DPP6: variants seen among roughly 807,000 people sequenced by gnomAD.
DPP6 encodes the protein A-type potassium channel modulatory protein DPP6.
In DPP6, 69 loss-of-function variants were observed where a neutral mutation model predicts 122.6. The observed-to-expected ratio is 0.56, with a 90% CI of 0.46 to 0.69. The LOEUF is 0.69. Among genes scored for constraint, DPP6 ranks in the 30% least tolerant of loss-of-function variants. The probability of loss-of-function intolerance (pLI) is 0.00; values close to 1 mark genes in which losing one functional copy is unlikely to be tolerated. For missense variants in DPP6, 928 were observed against 1,116.9 expected (o/e 0.83, Z 2.41); for synonymous variants, 418 against 433.1 (o/e 0.97, Z 0.43).
chr7:153,869,816 T>C, the DPP6 span, among the ~76,000 whole-genome samples: 1 of 152,184 alleles, frequency 6.6e-6, no homozygotes, highest in Non-Finnish European at 1.5e-5. Flanking sequence ...TTTTAGTGCT[T>C]CCTTCAGGAG....
chr7:154,286,302 C>A (rs958310055), intron 1 of DPP6, among the ~76,000 whole-genome samples: 2 of 151,314 alleles, frequency 1.3e-5, no homozygotes, highest in Non-Finnish European at 2.9e-5. Context: ...GGTGTAGCCA[C>A]GAGCAAGATC....
chr7:154,005,837 A>G (rs1473654946), intron 1 of DPP6, among the ~76,000 whole-genome samples: 1 of 152,014 alleles, frequency 6.6e-6, no homozygotes, highest in East Asian at 1.9e-4. Flanking sequence ...ATGAGCTTCT[A>G]AGCTTTGCAT....
At chr7:154,206,957 G>A (rs1455419396) in intron 1 of DPP6, among the ~76,000 whole-genome samples, 1 of 152,230 alleles carries the variant, frequency 6.6e-6, no homozygotes, top group Non-Finnish European at 1.5e-5. Flanking sequence ...GGTATGCAAG[G>A]AAGGGCTGAG....
At chr7:154,583,383 C>T (rs928234892) in intron 5 of DPP6, among the ~76,000 whole-genome samples, 1 of 152,242 alleles carries the variant, frequency 6.6e-6, no homozygotes, top group African/African-American at 2.4e-5. Context: ...ACCCCTCCCT[C>T]TTCCTCAGTC....
chr7:154,674,197 T>C (rs1418408765), intron 7 of DPP6, among the ~76,000 whole-genome samples: 1 of 152,178 alleles, frequency 6.6e-6, no homozygotes, highest in Non-Finnish European at 1.5e-5. Context: ...TTTTCTTTGA[T>C]CTTTTCATGA....
intron 1 of DPP6, among the ~76,000 whole-genome samples, chr7:154,408,664 T>G (rs1043611801): frequency 2.6e-5 from 4 of 152,196 alleles, no homozygotes; most frequent in Admixed American, 2.6e-4. Flanking sequence ...TTCCCATGAA[T>G]ATTTTCTCTC....
chr7:153,809,599 C>T, the DPP6 span, among the ~76,000 whole-genome samples: 1 of 152,148 alleles, frequency 6.6e-6, no homozygotes, highest in Non-Finnish European at 1.5e-5. Flanking sequence ...GCAGCCCTTT[C>T]CTTGGTGCAG....
At chr7:154,326,073 G>T (rs1373563765) in intron 1 of DPP6, among the ~76,000 whole-genome samples, 1 of 152,130 alleles carries the variant, frequency 6.6e-6, no homozygotes, top group Non-Finnish European at 1.5e-5. Flanking sequence ...TTACCTCCTT[G>T]CCTTTAGGAA....
the DPP6 span, among the ~76,000 whole-genome samples, chr7:153,873,385 T>C: frequency 2.0e-5 from 3 of 152,154 alleles, no homozygotes; most frequent in African/African-American, 7.2e-5. Context: ...AAACAATATA[T>C]TTAAACTATA....
At chr7:154,096,704 A>G (rs2150561312) in intron 1 of DPP6, among the ~76,000 whole-genome samples, 1 of 152,302 alleles carries the variant, frequency 6.6e-6, no homozygotes, top group South Asian at 2.1e-4. Flanking sequence ...ATAGAGACCA[A>G]ATCTTATAAA....
intron 8 of DPP6, among the ~76,000 whole-genome samples, chr7:154,747,643 C>A (rs1009676072): frequency 6.6e-6 from 1 of 152,064 alleles, no homozygotes; most frequent in Non-Finnish European, 1.5e-5. Context: ...TTAGAAAACA[C>A]CCATATGTTA....
chr7:154,625,716 G>T (rs961918082), intron 5 of DPP6, among the ~76,000 whole-genome samples: 1 of 152,196 alleles, frequency 6.6e-6, no homozygotes, highest in African/African-American at 2.4e-5. Context: ...TGCGGGCAGG[G>T]TGTGTGCAAG....
Position 154,760,894 on chromosome 7 carries a change from G to C in DPP6, c.884-8523G>C, listed in dbSNP as rs137941351. ...GTGTCGCCCAGGCTTGAGTGCAATG[G>C]TGCAATCTCGACTCACTGCAACCTC... On this transcript the variant is annotated intron_variant, in intron 8 of 25. Transcript: ENST00000377770. This position sits in a 1 kb window ranked among gnomAD's most constrained non-coding sequence, Gnocchi z 4.5. Among the ~76,000 whole-genome samples, 282 of 150,692 alleles carry C rather than the reference G, an allele frequency of 1.9e-3. 3 individuals are homozygous for C. In the East Asian group the frequency reaches 0.05, roughly 27 times the overall value.
intron 16 of DPP6, among the ~76,000 whole-genome samples, chr7:154,818,145 A>G (rs1056395356): frequency 2.0e-5 from 3 of 152,212 alleles, no homozygotes; most frequent in East Asian, 3.9e-4. Context: ...CAGCCAAAAT[A>G]GAAGTGACAG....
At chr7:154,771,413 A>C (rs1399222523) in intron 9 of DPP6, among the ~76,000 whole-genome samples, 1 of 152,200 alleles carries the variant, frequency 6.6e-6, no homozygotes, top group Non-Finnish European at 1.5e-5. Context: ...TCTTCACATG[A>C]AGGGGCAAGA....
chr7:153,867,006 G>T, the DPP6 span, among the ~76,000 whole-genome samples: 22 of 152,134 alleles, frequency 1.4e-4, 1 homozygote, highest in Admixed American at 1.0e-3. Flanking sequence ...TCCATTGGTC[G>T]ATATCTCTGT....
chr7:154,211,369 AC>A (rs1264178266), intron 1 of DPP6, among the ~76,000 whole-genome samples: 3 of 151,990 alleles, frequency 2.0e-5, no homozygotes, highest in African/African-American at 7.3e-5. Context: ...AGGATTCCAC[AC>A]CTGAGTCAGG....
intron 7 of DPP6, among the ~76,000 whole-genome samples, chr7:154,720,592 G>GC (rs1328695334): frequency 6.6e-6 from 1 of 152,186 alleles, no homozygotes; most frequent in African/African-American, 2.4e-5. Flanking sequence ...GGATGGCAGG[G>GC]CCCCCCGGCT....
chr7:153,851,156 C>T, the DPP6 span, among the ~76,000 whole-genome samples: 1 of 152,146 alleles, frequency 6.6e-6, no homozygotes, highest in African/African-American at 2.4e-5. Context: ...CGTGGAGTTT[C>T]TTTCTCACCT....
Sources: allele counts gnomAD v4.1 joint callset (sites outside exome capture counted in the v4.1 genomes callset), GRCh38; gene constraint gnomAD v4.1.1; non-coding constraint Gnocchi (gnomAD v3.1); transcripts MANE v1.5; gene names NCBI Gene and HGNC (gene_info 2026-07-23, HGNC 2026-07-21).